The following EVI5 variants were observed in gnomAD, a reference collection of about 807,000 sequenced individuals.
The protein encoded by EVI5 is ecotropic viral integration site 5, also known as ecotropic viral integration site 5 protein homolog.
Under a neutral mutation model 112.0 loss-of-function variants are expected in EVI5, and 73 were observed. The ratio of observed to expected loss-of-function variants is 0.65; its 90% CI spans 0.54 to 0.79. The LOEUF (loss-of-function observed/expected upper bound fraction) is 0.79, where lower values mean the gene tolerates loss of function less well. EVI5 is among the 30% of genes least tolerant of loss of function. The pLI is 0.00. For synonymous variants in EVI5, 305 were observed against 319.9 expected, an observed-to-expected ratio of 0.95 and a Z score of 0.50; for missense variants, 900 against 968.8, an observed-to-expected ratio of 0.93 and a Z score of 0.94.
At chr1:92,550,808 A>ATATATATT (rs1557766590) in intron 19 of EVI5, among the ~76,000 whole-genome samples, 1 of 112,186 alleles carries the variant, frequency 8.9e-6, no homozygotes, top group Non-Finnish European at 1.8e-5. Context: ...ATATATATAT[A>ATATATATT]TATATAACAA....
intron 13 of EVI5, among the ~76,000 whole-genome samples, chr1:92,638,611 G>A (rs1404358315): frequency 6.6e-6 from 1 of 152,066 alleles, no homozygotes. Flanking sequence ...TGACAGAAAT[G>A]ACAATTATGA....
At chr1:92,596,279 G>C (rs748253575) in intron 18 of EVI5, among the ~76,000 whole-genome samples, 1 of 152,116 alleles carries the variant, frequency 6.6e-6, no homozygotes, top group African/African-American at 2.4e-5. Context: ...AGGATCTCTT[G>C]AGCCTGGGAG....
At chr1:92,561,858 A>C (rs1333859550) in intron 19 of EVI5, among the ~76,000 whole-genome samples, 3 of 152,002 alleles carry the variant, frequency 2.0e-5, no homozygotes, top group Non-Finnish European at 4.4e-5. Context: ...GGCTGGTCTC[A>C]AACTCCTGAC....
At chr1:92,676,530 A>G (rs1343107659) in intron 10 of EVI5, among the ~76,000 whole-genome samples, 2 of 152,200 alleles carry the variant, frequency 1.3e-5, no homozygotes, top group Non-Finnish European at 2.9e-5. Flanking sequence ...AAAAGGCAAC[A>G]CAATTTTTCT....
At chr1:92,724,394 A>C (rs1675233504) in intron 2 of EVI5, among the ~76,000 whole-genome samples, 2 of 152,218 alleles carry the variant, frequency 1.3e-5, no homozygotes, top group Admixed American at 1.3e-4. Flanking sequence ...AAAATACAAA[A>C]CTTTATATGA....
At chr1:92,637,668 C>G (rs1407519079) in intron 13 of EVI5, among the ~76,000 whole-genome samples, 1 of 152,060 alleles carries the variant, frequency 6.6e-6, no homozygotes, top group Non-Finnish European at 1.5e-5. Context: ...TGTGGCAACT[C>G]AAAATTTCAA....
intron 19 of EVI5, among the ~76,000 whole-genome samples, chr1:92,524,893 TCA>T (rs1213357638): frequency 2.0e-5 from 3 of 151,202 alleles, no homozygotes; most frequent in Admixed American, 6.6e-5. Flanking sequence ...TGGCGTGATC[TCA>T]GTTTACTGTA....
intron 19 of EVI5, among the ~76,000 whole-genome samples, chr1:92,552,150 G>A (rs1667047057): frequency 6.7e-6 from 1 of 149,374 alleles, no homozygotes; most frequent in South Asian, 2.1e-4. Flanking sequence ...AAAAGACACT[G>A]GAGCCAGCTT....
rs201452757 is a variant in EVI5 at position 92,607,555 on chromosome 1, C to A, written c.1974+26G>T. ...AAGGCATTATTATATTGACAAAAAA[C>A]AAAATCAGTTAGTTGACATATTTAC... On this transcript the variant is annotated intron_variant, in intron 17 of 19. Transcript: ENST00000684568. 3.4e-3 allele frequency: 5,113 copies of A among 1,514,048 alleles called. 4 individuals are homozygous for A. Among genetic ancestry groups the A allele is most frequent in the Non-Finnish European group, 3.6e-3 (4,100 of 1,132,062 alleles). The allele number at this position is 1,514,048 out of a possible 1,614,324, so 93.8% of individuals were successfully genotyped here.
At chr1:92,650,355 G>A (rs1157174562) in intron 13 of EVI5, among the ~76,000 whole-genome samples, 2 of 151,996 alleles carry the variant, frequency 1.3e-5, no homozygotes, top group South Asian at 2.1e-4. Flanking sequence ...TTTGACAAAT[G>A]AGTAAACATC....
intron 19 of EVI5, among the ~76,000 whole-genome samples, chr1:92,534,136 AACAG>A (rs1463435857): frequency 6.6e-6 from 1 of 152,192 alleles, no homozygotes; most frequent in Non-Finnish European, 1.5e-5. Flanking sequence ...ATATACCAAT[AACAG>A]ACAAACAGAG....
chr1:92,720,198 A>G (rs537517333), intron 2 of EVI5, among the ~76,000 whole-genome samples: 1 of 152,238 alleles, frequency 6.6e-6, no homozygotes, highest in African/African-American at 2.4e-5. Context: ...ATGGAACCAA[A>G]AAAGAGCCCA....
intron 19 of EVI5, among the ~76,000 whole-genome samples, chr1:92,522,504 C>T (rs943939729): frequency 2.6e-5 from 4 of 151,850 alleles, no homozygotes; most frequent in African/African-American, 9.7e-5. Context: ...GGTGTGGTGG[C>T]AGGCACCTGT....
intron 2 of EVI5, among the ~76,000 whole-genome samples, chr1:92,730,683 CAAAAA>C (rs1226099468): frequency 3.3e-5 from 2 of 59,738 alleles, no homozygotes; most frequent in Non-Finnish European, 3.6e-5. Flanking sequence ...CCTTCTCTCA[CAAAAA>C]AAAAAAAAAA....
At chr1:92,579,527 A>C (rs1671609774) in intron 18 of EVI5, among the ~76,000 whole-genome samples, 1 of 152,192 alleles carries the variant, frequency 6.6e-6, no homozygotes, top group African/African-American at 2.4e-5. Flanking sequence ...CTATAAAATT[A>C]ATTTCCTTTT....
chr1:92,681,593 C>T (rs1667597950), intron 9 of EVI5, among the ~76,000 whole-genome samples: 1 of 152,144 alleles, frequency 6.6e-6, no homozygotes, highest in African/African-American at 2.4e-5. Context: ...ACCTGGCCAA[C>T]CTTCATTACA....
At chr1:92,684,503 A>G (rs549078181) in intron 9 of EVI5, among the ~76,000 whole-genome samples, 39 of 152,338 alleles carry the variant, frequency 2.6e-4, no homozygotes, top group African/African-American at 9.1e-4. Flanking sequence ...ATTAATGGGC[A>G]AAATAACCAG....
rs1557680946 is a variant in EVI5 at position 92,508,832 on chromosome 1, G to GA, written c.*4823dup. ...TAACTTTGCTTCTTGGTAGTATACT[G>GA]AATGTATTATTCTATCATCTCCTCT... On this transcript the variant is annotated 3_prime_UTR_variant, in exon 20 of 20. Transcript: ENST00000684568. The GA allele has an allele frequency of 6.6e-6, 1 of 152,530 alleles. No individual in the cohort carries two copies. The highest frequency in any genetic ancestry group is 2.4e-5 in the African/African-American group (1 of 41,436). The allele number at this position is 152,530 out of a possible 1,614,324, so 9.4% of individuals were successfully genotyped here.
intron 19 of EVI5, among the ~76,000 whole-genome samples, chr1:92,514,354 C>T (rs946033912): frequency 3.3e-5 from 5 of 152,012 alleles, no homozygotes; most frequent in African/African-American, 1.2e-4. Flanking sequence ...CGGGGTTTCA[C>T]CATGTTGCCC....
Sources: gnomAD v4.1 joint callset for allele counts (sites outside exome capture counted in the v4.1 genomes callset) on GRCh38, gnomAD v4.1.1 for gene constraint, MANE v1.5 for transcripts, NCBI Gene and HGNC (gene_info 2026-07-23, HGNC 2026-07-21) for gene names.